The following APBB2 variants were observed in gnomAD, a reference collection of about 807,000 sequenced individuals.
The protein encoded by APBB2 is amyloid beta precursor protein binding family B member 2, also known as Fe65-like 1.
A neutral mutation model predicts 82.5 loss-of-function variants in APBB2; 38 were observed. The ratio of observed to expected loss-of-function variants is 0.46; its 90% confidence interval spans 0.36 to 0.60. APBB2 has a LOEUF of 0.60. APBB2 is among the 20% of genes least tolerant of loss of function. APBB2 has a pLI of 0.00. For synonymous variants in APBB2, 341 were observed against 368.2 expected, an observed-to-expected ratio of 0.93 and a Z score of 0.85; for missense variants, 772 against 972.3, an observed-to-expected ratio of 0.79 and a Z score of 2.74.
intron 6 of APBB2, among the ~76,000 whole-genome samples, chr4:40,952,161 G>C (rs1790360576): frequency 6.8e-6 from 1 of 147,506 alleles, no homozygotes; most frequent in African/African-American, 2.5e-5. Flanking sequence ...ATTCCAGCCT[G>C]GGTGACAGAG....
intron 6 of APBB2, among the ~76,000 whole-genome samples, chr4:40,960,269 TCTAC>T (rs1338649183): frequency 6.6e-6 from 1 of 151,972 alleles, no homozygotes; most frequent in Non-Finnish European, 1.5e-5. Context: ...GAGGAGTACC[TCTAC>T]CTACATTAAA....
intron 12 of APBB2, among the ~76,000 whole-genome samples, chr4:40,854,179 T>C (rs553286504): frequency 2.6e-5 from 4 of 152,320 alleles, no homozygotes; most frequent in African/African-American, 9.6e-5. Flanking sequence ...ACTGGGTTAT[T>C]TATGGAGGGC....
intron 4 of APBB2, among the ~76,000 whole-genome samples, chr4:41,048,024 C>A (rs951656643): frequency 6.6e-6 from 1 of 152,210 alleles, no homozygotes; most frequent in Non-Finnish European, 1.5e-5. Context: ...AAAACCAAAT[C>A]CACTCTTAGT....
chr4:41,008,550 C>T (rs189593353), intron 6 of APBB2, among the ~76,000 whole-genome samples: 6 of 152,212 alleles, frequency 3.9e-5, no homozygotes, highest in East Asian at 1.9e-4. Flanking sequence ...TCCAGAAAGT[C>T]GTAACTCAGA....
At chr4:40,997,462 G>T (rs964940389) in intron 6 of APBB2, among the ~76,000 whole-genome samples, 3 of 152,144 alleles carry the variant, frequency 2.0e-5, no homozygotes, top group Non-Finnish European at 4.4e-5. Context: ...ATTAACAAAA[G>T]CAAGGTCAGT....
At chr4:41,172,698 C>A (rs1768651602) in intron 1 of APBB2, among the ~76,000 whole-genome samples, 1 of 152,240 alleles carries the variant, frequency 6.6e-6, no homozygotes, top group Non-Finnish European at 1.5e-5. Flanking sequence ...ATAGTATGGA[C>A]ACAGTAAGCA....
intron 12 of APBB2, among the ~76,000 whole-genome samples, chr4:40,867,238 A>G (rs1234045787): frequency 1.3e-5 from 2 of 152,222 alleles, no homozygotes; most frequent in East Asian, 3.8e-4. Context: ...TTTTGCAGAA[A>G]AAGTCGACTG....
intron 10 of APBB2, among the ~76,000 whole-genome samples, chr4:40,932,190 T>G (rs1784378551): frequency 6.6e-6 from 1 of 152,240 alleles, no homozygotes; most frequent in Non-Finnish European, 1.5e-5. Context: ...CCCCAGCCCT[T>G]AGTGGTGGAC....
intron 6 of APBB2, among the ~76,000 whole-genome samples, chr4:40,981,731 T>C (rs1222462442): frequency 6.6e-6 from 1 of 152,202 alleles, no homozygotes; most frequent in African/African-American, 2.4e-5. Context: ...ATTCTTCCAC[T>C]GCAGCAGTTA....
intron 12 of APBB2, chr4:40,880,741 T>C (rs760989405): frequency 2.4e-5 from 24 of 985,300 alleles, no homozygotes; most frequent in Non-Finnish European, 2.8e-5. Flanking sequence ...AAGTGCGAGA[T>C]GGAAGCTGTT....
chr4:40,998,209 T>C (rs1804183224), intron 6 of APBB2, among the ~76,000 whole-genome samples: 1 of 152,256 alleles, frequency 6.6e-6, no homozygotes, highest in Non-Finnish European at 1.5e-5. Flanking sequence ...AAGACTTTTC[T>C]AATGAGATGG....
chr4:41,130,719 C>T (rs1755722298), intron 2 of APBB2, among the ~76,000 whole-genome samples: 1 of 152,122 alleles, frequency 6.6e-6, no homozygotes, highest in Admixed American at 6.5e-5. Flanking sequence ...CTACAGAGGC[C>T]AGTCTCCTCG....
intron 12 of APBB2, among the ~76,000 whole-genome samples, chr4:40,834,517 GA>G (rs1753166441): frequency 6.8e-6 from 1 of 147,954 alleles, no homozygotes; most frequent in African/African-American, 2.5e-5. Context: ...CCTGACTTCT[GA>G]AAAGGGCTGC....
intron 6 of APBB2, among the ~76,000 whole-genome samples, chr4:40,972,775 A>G (rs1796279700): frequency 6.6e-6 from 1 of 152,226 alleles, no homozygotes; most frequent in African/African-American, 2.4e-5. Context: ...TTTTAACCCT[A>G]GTGAATACAG....
At chr4:40,999,293 A>T (rs996052649) in intron 6 of APBB2, among the ~76,000 whole-genome samples, 2 of 152,088 alleles carry the variant, frequency 1.3e-5, no homozygotes, top group South Asian at 4.1e-4. Context: ...AAAAATTAAA[A>T]AACAGCCAGG....
At chr4:40,902,072 G>GAAT (rs1469030811) in intron 10 of APBB2, among the ~76,000 whole-genome samples, 4 of 152,044 alleles carry the variant, frequency 2.6e-5, no homozygotes, top group Admixed American at 6.6e-5. Flanking sequence ...GACCTACCTC[G>GAAT]AATAAGGTTT....
At position 40,828,453 on chromosome 4, in the gene APBB2, T is replaced by C. The variant is rs60816550; in HGVS notation, c.1645-1234A>G. Among the ~76,000 whole-genome samples, 216 of 152,336 alleles carry C rather than the reference T, an allele frequency of 1.4e-3. 3 individuals carry two copies. In the East Asian group the frequency reaches 0.02, roughly 14 times the overall value. Reference sequence around the variant, plus strand: ...CCTCTACTCTGCCTATCTCCAGATCTGTGCCCAGGGCAGCGAGCAAGAGGG... The same window carrying C: ...CCTCTACTCTGCCTATCTCCAGATCCGTGCCCAGGGCAGCGAGCAAGAGGG... On this transcript the variant is annotated intron_variant, in intron 13 of 17. Transcript: ENST00000508593.
Position 41,033,584 on chromosome 4 carries a change from TCACACACACACACACACA to T in APBB2, c.-50-298_-50-281del, listed in dbSNP as rs71915197. On this transcript the variant is annotated intron_variant, in intron 4 of 17. Transcript: ENST00000508593. ...CTCAAGTTTCCAATGCTTTTTCTCA[TCACACACACACACACACA>T]CACACACACACACACACACAATTCA... 4.2e-4 allele frequency among the ~76,000 whole-genome samples: 55 copies of T among 130,824 alleles called. No homozygotes were observed. The South Asian group carries it at 0.014, about 34-fold the overall frequency. 85.8% of individuals were successfully genotyped at this position (130,824 alleles called of 152,430 possible). A position where few individuals can be genotyped will look rare whatever the true frequency, so the allele number is the denominator to read the frequency against.
chr4:41,181,025 G>A (rs190694675), intron 1 of APBB2, among the ~76,000 whole-genome samples: 157 of 152,226 alleles, frequency 1.0e-3, no homozygotes, highest in Admixed American at 1.7e-3. Flanking sequence ...GAGCAGGAAC[G>A]TCAGTGATCA....
Sources: allele counts gnomAD v4.1 joint callset (sites outside exome capture counted in the v4.1 genomes callset), GRCh38; gene constraint gnomAD v4.1.1; transcripts MANE v1.5; gene names NCBI Gene and HGNC (gene_info 2026-07-23, HGNC 2026-07-21).